The following PLA2G4A variants were observed in gnomAD, a reference collection of about 807,000 sequenced individuals.
PLA2G4A encodes cytosolic phospholipase A2.
A neutral mutation model predicts 81.9 loss-of-function variants in PLA2G4A; 40 were observed. That is an observed-to-expected ratio of 0.49 (90% confidence interval 0.38 to 0.64). The LOEUF is 0.64. PLA2G4A is among the 30% of genes least tolerant of loss of function. PLA2G4A has a pLI of 0.00. For synonymous variants in PLA2G4A, 302 were observed against 296.9 expected, an observed-to-expected ratio of 1.02 and a Z score of -0.18; for missense variants, 715 against 905.1, an observed-to-expected ratio of 0.79 and a Z score of 2.69.
intron 2 of PLA2G4A, among the ~76,000 whole-genome samples, chr1:186,857,440 T>C (rs901739998): frequency 7.7e-6 from 1 of 130,268 alleles, no homozygotes; most frequent in Non-Finnish European, 1.6e-5. Context: ...TATATAAATA[T>C]ATAATATAAT....
intron 12 of PLA2G4A, among the ~76,000 whole-genome samples, chr1:186,949,546 A>C (rs959166674): frequency 6.6e-6 from 1 of 152,132 alleles, no homozygotes; most frequent in African/African-American, 2.4e-5. Flanking sequence ...TGTGTAACAA[A>C]ATTACTATTG....
intron 14 of PLA2G4A, among the ~76,000 whole-genome samples, chr1:186,959,064 A>C (rs530372105): frequency 6.6e-6 from 1 of 152,096 alleles, no homozygotes; most frequent in Non-Finnish European, 1.5e-5. Context: ...ACTATTTTAG[A>C]AAGTTTCAGT....
At chr1:186,883,041 A>G (rs970527894) in intron 3 of PLA2G4A, among the ~76,000 whole-genome samples, 3 of 152,118 alleles carry the variant, frequency 2.0e-5, no homozygotes, top group Non-Finnish European at 4.4e-5. Flanking sequence ...TAGGAAAAGA[A>G]TGATGAAAAT....
intron 1 of PLA2G4A, among the ~76,000 whole-genome samples, chr1:186,837,448 G>A (rs533233918): frequency 6.6e-6 from 1 of 151,976 alleles, no homozygotes; most frequent in South Asian, 2.1e-4. Context: ...GTAAAATTTG[G>A]GCCAGGCTCA....
At chr1:186,959,897 T>G (rs1461660913) in intron 14 of PLA2G4A, among the ~76,000 whole-genome samples, 1 of 144,612 alleles carries the variant, frequency 6.9e-6, no homozygotes, top group Admixed American at 7.3e-5. Context: ...GCAACCCCCA[T>G]GCCAAAAAAA....
At chr1:186,979,784 G>A (rs1314272625) in intron 17 of PLA2G4A, among the ~76,000 whole-genome samples, 3 of 151,562 alleles carry the variant, frequency 2.0e-5, no homozygotes, top group Non-Finnish European at 4.4e-5. Flanking sequence ...TGATGAAAAG[G>A]AAATATGAGT....
At chr1:186,912,532 C>T (rs1654984735) in intron 7 of PLA2G4A, among the ~76,000 whole-genome samples, 1 of 151,906 alleles carries the variant, frequency 6.6e-6, no homozygotes, top group Non-Finnish European at 1.5e-5. Flanking sequence ...TGTTAGTTTG[C>T]CTAATGTAGT....
chr1:186,863,522 G>T (rs1013026274), intron 2 of PLA2G4A, among the ~76,000 whole-genome samples: 4 of 151,898 alleles, frequency 2.6e-5, no homozygotes, highest in Non-Finnish European at 5.9e-5. Flanking sequence ...CTTCTATTTT[G>T]AAATATGCAG....
At chr1:186,906,193 T>G (rs1392058452) in intron 5 of PLA2G4A, among the ~76,000 whole-genome samples, 1 of 152,200 alleles carries the variant, frequency 6.6e-6, no homozygotes, top group African/African-American at 2.4e-5. Context: ...CAATCTACAA[T>G]TACATTTTTC....
intron 3 of PLA2G4A, among the ~76,000 whole-genome samples, chr1:186,875,470 G>A (rs1271972429): frequency 6.6e-6 from 1 of 151,840 alleles, no homozygotes; most frequent in African/African-American, 2.4e-5. Flanking sequence ...CAGATTACAA[G>A]CCATGAGAAA....
At chr1:186,847,360 G>T (rs1190782785) in intron 1 of PLA2G4A, among the ~76,000 whole-genome samples, 9 of 71,544 alleles carry the variant, frequency 1.3e-4, no homozygotes, top group African/African-American at 6.1e-4. Context: ...TTTCATACGT[G>T]TGTGTGTGTG....
Position 186,892,988 on chromosome 1 carries a change from T to C in PLA2G4A, c.116-23T>C, listed in dbSNP as rs577486300. 2.2e-5 allele frequency: 35 copies of C among 1,580,862 alleles called. 2 individuals are homozygous for C. The African/African-American group carries it at 2.3e-4, about 10-fold the overall frequency. On this transcript the variant is annotated intron_variant, in intron 3 of 17. Coordinates refer to ENST00000367466, the MANE Select transcript of PLA2G4A (RefSeq NM_024420.3). Reference sequence around the variant, plus strand: ...TATGAATCACATTTCTACCTCCTTCTTGTTTGTGTTTACTATCTGTAGTTG... The same window carrying C: ...TATGAATCACATTTCTACCTCCTTCCTGTTTGTGTTTACTATCTGTAGTTG...
At chr1:186,873,199 G>A (rs1403143393) in intron 3 of PLA2G4A, among the ~76,000 whole-genome samples, 1 of 151,980 alleles carries the variant, frequency 6.6e-6, no homozygotes, top group African/African-American at 2.4e-5. Context: ...GAAAAGTTGT[G>A]GGAGACTCTG....
chr1:186,851,163 G>T (rs1031417720), intron 1 of PLA2G4A, among the ~76,000 whole-genome samples: 2 of 151,946 alleles, frequency 1.3e-5, no homozygotes, highest in Non-Finnish European at 2.9e-5. Flanking sequence ...AAATTATGCT[G>T]CTTCAATAAA....
At chr1:186,956,075 G>T in intron 13 of PLA2G4A, 27 bp from the exon 14 acceptor site, 1 of 1,606,240 alleles carries the variant, frequency 6.2e-7, no homozygotes. Flanking sequence ...TTTGGAGTCT[G>T]TATGGTGACC....
At chr1:186,920,064 C>T (rs766945275) in intron 7 of PLA2G4A, among the ~76,000 whole-genome samples, 7 of 152,164 alleles carry the variant, frequency 4.6e-5, no homozygotes, top group South Asian at 2.1e-4. Flanking sequence ...CCGCCAGTCC[C>T]GGAGGATTAT....
chr1:186,862,943 T>C (rs1485766488), intron 2 of PLA2G4A, among the ~76,000 whole-genome samples: 1 of 152,218 alleles, frequency 6.6e-6, no homozygotes, highest in Admixed American at 6.5e-5. Flanking sequence ...TTCACACTTT[T>C]TTTGTGTGAT....
chr1:186,904,854 T>C (rs1654676682), intron 5 of PLA2G4A, among the ~76,000 whole-genome samples: 2 of 91,656 alleles, frequency 2.2e-5, no homozygotes, highest in Admixed American at 2.3e-4. Context: ...CAGGGATATA[T>C]ATATATTTTT....
At chr1:186,829,342 G>A (rs1255601344) in intron 1 of PLA2G4A, among the ~76,000 whole-genome samples, 2 of 152,142 alleles carry the variant, frequency 1.3e-5, no homozygotes, top group African/African-American at 4.8e-5. Context: ...GTGAGGTGGC[G>A]CTTATTAGCG....
Sources: gnomAD v4.1 joint callset for allele counts (sites outside exome capture counted in the v4.1 genomes callset) on GRCh38, gnomAD v4.1.1 for gene constraint, MANE v1.5 for transcripts, NCBI Gene and HGNC (gene_info 2026-07-23, HGNC 2026-07-21) for gene names.